SLC38A4: variants seen among roughly 807,000 people sequenced by gnomAD.
SLC38A4 encodes the protein solute carrier family 38 member 4.
SLC38A4 carries 20 observed loss-of-function variants against 63.1 expected under a neutral mutation model. The ratio of observed to expected loss-of-function variants is 0.32; its 90% CI spans 0.22 to 0.46. SLC38A4 has a LOEUF of 0.46. Among genes scored for constraint, SLC38A4 ranks in the 20% least tolerant of loss-of-function variants. SLC38A4 has a pLI of 1.00. For missense variants in SLC38A4, 526 were observed against 663.6 expected, an observed-to-expected ratio of 0.79 and a Z score of 2.28; for synonymous variants, 230 against 225.5, an observed-to-expected ratio of 1.02 and a Z score of -0.18.
chr12:46,818,472 GT>G (rs1283426096), intron 1 of SLC38A4, among the ~76,000 whole-genome samples: 2 of 151,820 alleles, frequency 1.3e-5, no homozygotes, highest in African/African-American at 4.8e-5. Flanking sequence ...TGGCAAAAGT[GT>G]TATAATCTAG....
chr12:46,812,279 T>C (rs566962409), intron 1 of SLC38A4, among the ~76,000 whole-genome samples: 1 of 152,168 alleles, frequency 6.6e-6, no homozygotes, highest in East Asian at 1.9e-4. Flanking sequence ...AATTAAAGGC[T>C]GATGGCATTT....
chr12:46,785,738 C>CCTTTTTTTTTTTTTTTTTTTT lies in SLC38A4; in HGVS notation c.327-562_327-561insAAAAAAAAAAAAAAAAAAAAG, dbSNP rs1489385010. Among the ~76,000 whole-genome samples the CCTTTTTTTTTTTTTTTTTTTT allele has an allele frequency of 3.0e-5, 2 of 66,900 alleles. 1 individual carries two copies. The highest frequency in any genetic ancestry group is 1.1e-4 in the African/African-American group (2 of 18,880). 43.9% of individuals were successfully genotyped at this position (66,900 alleles called of 152,430 possible). ...AGCTAAGGATGGGGCACGAAAATTC[C>CCTTTTTTTTTTTTTTTTTTTT]TTTTTTTTTTTTTTTTTTTTTTTTG... On this transcript the variant is annotated intron_variant, in intron 5 of 16. Transcript: ENST00000266579.
chr12:46,817,569 C>T (rs987485163), intron 1 of SLC38A4, among the ~76,000 whole-genome samples: 4 of 151,732 alleles, frequency 2.6e-5, no homozygotes, highest in African/African-American at 9.7e-5. Context: ...CTTATTGTTG[C>T]TCCCTCCCCT....
At chr12:46,814,344 A>C (rs2120900123) in intron 1 of SLC38A4, among the ~76,000 whole-genome samples, 1 of 152,088 alleles carries the variant, frequency 6.6e-6, no homozygotes, top group Non-Finnish European at 1.5e-5. Context: ...CACAGTTTGC[A>C]ATATGTGTTT....
At chr12:46,775,650 C>T (rs1294733570) in intron 13 of SLC38A4, among the ~76,000 whole-genome samples, 2 of 151,978 alleles carry the variant, frequency 1.3e-5, no homozygotes, top group African/African-American at 4.8e-5. Context: ...AACTATGACT[C>T]CATCACCACA....
rs1938926496 is a variant in SLC38A4, at chr12:46,793,198, C to A, written c.-112-15G>T. ...AACACTCTGTTCTGCAAACAGAACACAACATACATCATTATAATTTTATTT... is the reference window on the plus strand; with the variant it reads ...AACACTCTGTTCTGCAAACAGAACAAAACATACATCATTATAATTTTATTT... On this transcript the variant is annotated splice_polypyrimidine_tract_variant and intron_variant, in intron 2 of 16. Transcript: ENST00000266579. The A allele has an allele frequency of 6.8e-6, 4 of 587,170 alleles. No individual in the cohort carries two copies. The South Asian group carries it at 7.2e-5, about 11-fold the overall frequency. The allele number at this position is 587,170 out of a possible 1,614,324, so 36.4% of individuals were successfully genotyped here.
chr12:46,800,412 T>A (rs988770826), intron 2 of SLC38A4, among the ~76,000 whole-genome samples: 19 of 152,084 alleles, frequency 1.2e-4, no homozygotes, highest in Non-Finnish European at 2.8e-4. Context: ...CGATCACCCC[T>A]CACTCACTGA....
At chr12:46,827,496 C>A (rs1380172324), upstream of SLC38A4, among the ~76,000 whole-genome samples, 1 of 152,174 alleles carries the variant, frequency 6.6e-6, no homozygotes, top group East Asian at 1.9e-4. Context: ...TCTTGACTGG[C>A]ATAAACATCT....
At chr12:46,780,137 G>T in intron 7 of SLC38A4, 107 bp from the exon 8 acceptor site, 1 of 820,892 alleles carries the variant, frequency 1.2e-6, no homozygotes, top group Non-Finnish European at 2.0e-6. Flanking sequence ...TCCCCCAAAT[G>T]GAAAAAAAAG....
chr12:46,769,391 C>T lies in SLC38A4; in HGVS notation c.1337G>A (p.Arg446Gln), dbSNP rs773973895. The T allele has an allele frequency of 5.0e-6, 8 of 1,613,174 alleles. No homozygotes were observed. Among genetic ancestry groups the T allele is most frequent in the East Asian group, 4.5e-5 (2 of 44,874 alleles). ...TSVITLLFPK[R>Q]PFSWIRHFLI... ...GAAATGTCGTATCCAGCTGAAGGGT[C>T]GTTTGGGAAATAACAGTGTGATCAC... is the stretch of plus-strand genomic sequence containing the variant. Residue 446 changes from arginine (R) to glutamine (Q), a missense_variant, in exon 15 of 17, where the codon CGA (arginine) becomes CAA (glutamine). Arg to Gln is a conservative substitution (Grantham distance 43, BLOSUM62 1). Transcript: ENST00000266579.
chr12:46,823,723 T>C (rs1592199578), intron 1 of SLC38A4, among the ~76,000 whole-genome samples: 1 of 152,222 alleles, frequency 6.6e-6, no homozygotes, highest in African/African-American at 2.4e-5. Context: ...TGCTTTCAGA[T>C]AGTAGTGGAT....
intron 3 of SLC38A4, 73 bp from the exon 4 acceptor site, chr12:46,788,691 G>GA: frequency 3.0e-6 from 4 of 1,334,558 alleles, no homozygotes; most frequent in Non-Finnish European, 3.2e-6. Flanking sequence ...GTATGTTTCA[G>GA]GTGATCTAAG....
chr12:46,827,870 AT>A (rs1192425035), upstream of SLC38A4, among the ~76,000 whole-genome samples: 1 of 152,158 alleles, frequency 6.6e-6, no homozygotes, highest in Non-Finnish European at 1.5e-5. Flanking sequence ...AAAAAGCTGT[AT>A]GCTTTCTATT....
intron 7 of SLC38A4, among the ~76,000 whole-genome samples, chr12:46,781,232 A>C (rs914945003): frequency 6.6e-6 from 1 of 152,066 alleles, no homozygotes; most frequent in Non-Finnish European, 1.5e-5. Flanking sequence ...AAAAGGACGG[A>C]CTACATCTAA....
At chr12:46,785,304 G>C (rs1938735202) in intron 5 of SLC38A4, 127 bp from the exon 6 acceptor site, 1 of 713,998 alleles carries the variant, frequency 1.4e-6, no homozygotes, top group Non-Finnish European at 2.3e-6. Context: ...ATGTGGATTT[G>C]GGGGAGGCTG....
chr12:46,808,194 C>A (rs747779273), intron 1 of SLC38A4, among the ~76,000 whole-genome samples: 1 of 151,926 alleles, frequency 6.6e-6, no homozygotes, highest in Non-Finnish European at 1.5e-5. Context: ...ATTTGAGACC[C>A]TCCCAAATAT....
intron 1 of SLC38A4, among the ~76,000 whole-genome samples, chr12:46,813,224 T>G (rs1939374369): frequency 6.6e-6 from 1 of 152,046 alleles, no homozygotes; most frequent in Non-Finnish European, 1.5e-5. Context: ...ATTAATTTAT[T>G]AATTATATGT....
At chr12:46,768,129 A>G (rs1938335777) in intron 16 of SLC38A4, among the ~76,000 whole-genome samples, 181 bp downstream of exon 16, 1 of 152,148 alleles carries the variant, frequency 6.6e-6, no homozygotes, top group Admixed American at 6.6e-5. Context: ...TGATATTTGA[A>G]GTAGAATCAT....
At chr12:46,773,357 T>TG (rs1270040912) in intron 14 of SLC38A4, among the ~76,000 whole-genome samples, 3 of 152,072 alleles carry the variant, frequency 2.0e-5, no homozygotes, top group African/African-American at 7.2e-5. Context: ...TATGACTCTG[T>TG]GGGGCAGTGG....
Sources: gnomAD v4.1 joint callset for allele counts (sites outside exome capture counted in the v4.1 genomes callset) on GRCh38, gnomAD v4.1.1 for gene constraint, MANE v1.5 for transcripts, NCBI Gene and HGNC (gene_info 2026-07-23, HGNC 2026-07-21) for gene names.